The following ST3GAL3 variants were observed in gnomAD, a reference collection of about 807,000 sequenced individuals.
The protein encoded by ST3GAL3 is CMP-N-acetylneuraminate-beta-1,4-galactoside alpha-2,3-sialyltransferase.
Under a neutral mutation model 50.1 loss-of-function variants are expected in ST3GAL3, and 21 were observed. That is an observed-to-expected ratio of 0.42 (90% confidence interval 0.30 to 0.60). ST3GAL3 has a LOEUF of 0.60. ST3GAL3 is among the 20% of genes least tolerant of loss of function. ST3GAL3 has a pLI of 0.19. For missense variants in ST3GAL3, 353 were observed against 489.4 expected (o/e 0.72, Z 2.63); for synonymous variants, 183 against 190.0 (o/e 0.96, Z 0.30).
chr1:43,904,687 C>T (rs986002153), intron 9 of ST3GAL3, among the ~76,000 whole-genome samples: 5 of 150,518 alleles, frequency 3.3e-5, no homozygotes, highest in East Asian at 2.0e-4. Flanking sequence ...CTCCCCTTCC[C>T]GTCACTCTTC....
intron 5 of ST3GAL3, among the ~76,000 whole-genome samples, chr1:43,851,958 A>G (rs2067404722): frequency 6.6e-6 from 1 of 152,164 alleles, no homozygotes; most frequent in Admixed American, 6.5e-5. Flanking sequence ...GGCTTGGCCT[A>G]AATCTTACCT....
intron 2 of ST3GAL3, among the ~76,000 whole-genome samples, chr1:43,741,060 C>T (rs1269182899): frequency 1.3e-5 from 2 of 152,116 alleles, no homozygotes; most frequent in African/African-American, 4.8e-5. Flanking sequence ...GGTGAGGTGG[C>T]TCATGCCTAT....
intron 1 of ST3GAL3, among the ~76,000 whole-genome samples, chr1:43,725,095 G>T (rs1050633539): frequency 6.6e-6 from 1 of 152,216 alleles, no homozygotes; most frequent in African/African-American, 2.4e-5. Context: ...CCCTCTCTGG[G>T]ATAAGATGCA....
chr1:43,759,065 G>GCGCA (rs60386464), intron 2 of ST3GAL3, among the ~76,000 whole-genome samples: 3,635 of 75,296 alleles, frequency 0.048, 53 homozygotes, highest in East Asian at 0.13. Flanking sequence ...AAAAGCGCGC[G>GCGCA]CACACACACA....
intron 1 of ST3GAL3, among the ~76,000 whole-genome samples, chr1:43,714,303 T>C (rs1666251626): frequency 6.9e-6 from 1 of 143,970 alleles, no homozygotes; most frequent in Non-Finnish European, 1.5e-5. Flanking sequence ...ATTTAAACAT[T>C]GTTGCTGGGC....
chr1:43,853,942 T>C (rs1367760201), intron 5 of ST3GAL3, among the ~76,000 whole-genome samples: 2 of 152,152 alleles, frequency 1.3e-5, no homozygotes, highest in Non-Finnish European at 2.9e-5. Context: ...CTTTAAAAGC[T>C]TGTGGGCTCC....
intron 9 of ST3GAL3, among the ~76,000 whole-genome samples, chr1:43,904,062 C>T (rs1557429351): frequency 6.6e-6 from 1 of 152,022 alleles, no homozygotes; most frequent in Admixed American, 6.6e-5. Context: ...CCAATTATCC[C>T]AGGGAGCAAA....
intron 9 of ST3GAL3, among the ~76,000 whole-genome samples, chr1:43,917,483 A>ATATAT (rs1557533667): frequency 5.5e-4 from 49 of 89,612 alleles, no homozygotes; most frequent in Admixed American, 7.5e-4. Flanking sequence ...AATATATATA[A>ATATAT]TATATAATAT....
chr1:43,802,741 G>T (rs762194041), intron 3 of ST3GAL3, among the ~76,000 whole-genome samples: 3 of 152,134 alleles, frequency 2.0e-5, no homozygotes, highest in Non-Finnish European at 2.9e-5. Flanking sequence ...GGTTTTTTCA[G>T]ACTTTGGAAT....
rs1367773529 is a variant in ST3GAL3 at position 43,920,548 on chromosome 1, G to T, written c.889G>T (p.Gly297Trp). 3.1e-6 allele frequency: 5 copies of T among 1,613,922 alleles called. No homozygotes were observed. The highest frequency in any genetic ancestry group is 1.1e-5 in the South Asian group (1 of 91,088). ...LPFNNGLMGR[G>W]NIPTLGSVAV... ...CTTCAACAATGGCCTCATGGGCCGG[G>T]GGGTGAGATATCTGGGCCCTGGGAG... The change falls in exon 10 of 12, where the codon GGG becomes TGG. Residue 297 changes from glycine (G) to tryptophan (W), a missense_variant and splice_region_variant. Gly to Trp is a radical substitution (Grantham distance 184, BLOSUM62 -2). Coordinates refer to ENST00000347631, the MANE Select transcript of ST3GAL3 (RefSeq NM_006279.5).
intron 5 of ST3GAL3, among the ~76,000 whole-genome samples, chr1:43,864,943 C>T (rs1286604007): frequency 2.6e-5 from 4 of 152,152 alleles, no homozygotes; most frequent in African/African-American, 9.6e-5. Context: ...CAGAACATCC[C>T]TGTGAAGCAC....
chr1:43,731,852 A>T (rs892557801), intron 1 of ST3GAL3, among the ~76,000 whole-genome samples: 15 of 151,820 alleles, frequency 9.9e-5, no homozygotes, highest in Non-Finnish European at 8.8e-5. Flanking sequence ...TTTAAAAAAA[A>T]TTTTTTGTAG....
chr1:43,720,019 G>T (rs1219641554), intron 1 of ST3GAL3, among the ~76,000 whole-genome samples: 1 of 150,880 alleles, frequency 6.6e-6, no homozygotes, highest in East Asian at 2.0e-4. Context: ...GAAGTGGGAG[G>T]ATTACTTGAG....
chr1:43,779,172 C>T (rs1330412607), intron 2 of ST3GAL3, among the ~76,000 whole-genome samples: 1 of 144,982 alleles, frequency 6.9e-6, no homozygotes, highest in Non-Finnish European at 1.5e-5. Flanking sequence ...AAACTCCTGA[C>T]CTCAGGTGAT....
At chr1:43,891,936 C>G (rs537545227) in intron 5 of ST3GAL3, among the ~76,000 whole-genome samples, 2 of 152,312 alleles carry the variant, frequency 1.3e-5, no homozygotes, top group South Asian at 2.1e-4. Context: ...GCCAAGAACA[C>G]TTGAACCTAG....
intron 3 of ST3GAL3, among the ~76,000 whole-genome samples, chr1:43,799,315 C>T (rs895450220): frequency 2.0e-5 from 3 of 152,080 alleles, no homozygotes; most frequent in Non-Finnish European, 4.4e-5. Context: ...GGGAGTAGAG[C>T]TCTCTCTTAT....
At chr1:43,885,569 A>T (rs1374814223) in intron 5 of ST3GAL3, among the ~76,000 whole-genome samples, 1 of 152,060 alleles carries the variant, frequency 6.6e-6, no homozygotes, top group African/African-American at 2.4e-5. Flanking sequence ...CAGTCATTCT[A>T]TACCTTAAGG....
At chr1:43,816,217 G>A (rs1187931990) in intron 4 of ST3GAL3, among the ~76,000 whole-genome samples, 2 of 152,060 alleles carry the variant, frequency 1.3e-5, no homozygotes, top group Non-Finnish European at 2.9e-5. Context: ...CTCTGATGAC[G>A]ATGGCCACAC....
At chr1:43,824,682 T>G in intron 4 of ST3GAL3, 1 of 1,613,212 alleles carries the variant, frequency 6.2e-7, no homozygotes, top group Non-Finnish European at 8.5e-7. Flanking sequence ...CTCCTAGACA[T>G]CTTGAGCTAT....
Sources: allele counts gnomAD v4.1 joint callset (sites outside exome capture counted in the v4.1 genomes callset), GRCh38; gene constraint gnomAD v4.1.1; transcripts MANE v1.5; gene names NCBI Gene and HGNC (gene_info 2026-07-23, HGNC 2026-07-21).